The following EYS variants were observed in gnomAD, a reference collection of about 807,000 sequenced individuals.
EYS encodes the protein EGF-like photoreceptor maintenance factor.
A neutral mutation model predicts 282.1 loss-of-function variants in EYS; 250 were observed. The ratio of observed to expected loss-of-function variants is 0.89; its 90% CI spans 0.80 to 0.98. EYS has a LOEUF of 0.98. EYS is among the 50% of genes least tolerant of loss of function. The pLI, the probability that EYS is intolerant of heterozygous loss-of-function variation, is 0.00. For synonymous variants in EYS, 1,355 were observed against 1,282.9 expected (o/e 1.06, Z -1.20); for missense variants, 4,016 against 3,709.0 (o/e 1.08, Z -2.15).
chr6:65,385,617 G>A (rs1582222173), intron 7 of EYS, among the ~76,000 whole-genome samples: 1 of 151,734 alleles, frequency 6.6e-6, no homozygotes, highest in East Asian at 1.9e-4. Context: ...TTATAAATGA[G>A]GAAACATACC....
At chr6:64,681,905 C>T (rs1769912157) in intron 22 of EYS, among the ~76,000 whole-genome samples, 1 of 152,132 alleles carries the variant, frequency 6.6e-6, no homozygotes, top group African/African-American at 2.4e-5. Flanking sequence ...CTTGGGAATA[C>T]ATGTTTTTGC....
chr6:64,954,947 T>C (rs1769643799), intron 14 of EYS, among the ~76,000 whole-genome samples: 1 of 152,178 alleles, frequency 6.6e-6, no homozygotes, highest in Non-Finnish European at 1.5e-5. Flanking sequence ...GGCAGGTAGA[T>C]CACCTGAGAT....
In EYS at chr6:64,756,885, C is replaced by CTT. The variant is rs5876921; in HGVS notation, c.3443+56491_3443+56492dup. Among the ~76,000 whole-genome samples, 1,179 of 137,762 alleles carry CTT rather than the reference C, an allele frequency of 8.6e-3. 18 individuals carry two copies. Among genetic ancestry groups the CTT allele is most frequent in the East Asian group, 0.05 (245 of 4,882 alleles). The allele number at this position is 137,762 out of a possible 152,430, so 90.4% of individuals were successfully genotyped here. A position where few individuals can be genotyped will look rare whatever the true frequency, so the allele number is the denominator to read the frequency against. ...AATTTAAAAATACAAAGCATCAGTG[C>CTT]TTTTTTTTTTTTTTTAACAGATGTG... On this transcript the variant is annotated intron_variant, in intron 22 of 42. Coordinates refer to ENST00000503581, the MANE Select transcript of EYS (RefSeq NM_001142800.2).
At chr6:64,480,693 A>G (rs1428629151) in intron 26 of EYS, among the ~76,000 whole-genome samples, 1 of 151,852 alleles carries the variant, frequency 6.6e-6, no homozygotes, top group Non-Finnish European at 1.5e-5. Context: ...ATAAATCTCA[A>G]ATTTACCAGG....
At chr6:65,125,607 AC>A (rs1775696335) in intron 12 of EYS, among the ~76,000 whole-genome samples, 1 of 152,104 alleles carries the variant, frequency 6.6e-6, no homozygotes, top group Admixed American at 6.6e-5. Flanking sequence ...AAAGAATCCG[AC>A]CAAAATTTTT....
chr6:63,944,242 A>G lies in EYS; in HGVS notation c.7055+40141T>C, dbSNP rs573786688. On this transcript the variant is annotated intron_variant, in intron 35 of 42. Transcript: ENST00000503581. Reference sequence around the variant, plus strand: ...GGGAAACAATTTACAGCAAAATATAAGGCAGTGCATCTAGCTCTTAGCCAC... The same window carrying G: ...GGGAAACAATTTACAGCAAAATATAGGGCAGTGCATCTAGCTCTTAGCCAC... Among the ~76,000 whole-genome samples, 19 of 152,314 alleles carry G rather than the reference A, an allele frequency of 1.2e-4. No individual in the cohort carries two copies. The South Asian group carries it at 2.9e-3, about 23-fold the overall frequency.
At chr6:64,659,288 G>C (rs1167083937) in intron 22 of EYS, among the ~76,000 whole-genome samples, 1 of 152,154 alleles carries the variant, frequency 6.6e-6, no homozygotes, top group Admixed American at 6.5e-5. Flanking sequence ...AAGCAGGAAA[G>C]ATTTAAAATT....
At chr6:65,213,675 T>C (rs1170048307) in intron 12 of EYS, among the ~76,000 whole-genome samples, 1 of 152,184 alleles carries the variant, frequency 6.6e-6, no homozygotes, top group African/African-American at 2.4e-5. Context: ...GTGTATGTCA[T>C]TACTGTTCCA....
At chr6:64,269,719 A>G (rs1248737542) in intron 30 of EYS, among the ~76,000 whole-genome samples, 1 of 152,008 alleles carries the variant, frequency 6.6e-6, no homozygotes, top group Non-Finnish European at 1.5e-5. Context: ...ATTTCTTGCT[A>G]TTTGAAATTC....
chr6:65,154,993 A>C (rs936515716), intron 12 of EYS, among the ~76,000 whole-genome samples: 11 of 151,636 alleles, frequency 7.3e-5, no homozygotes, highest in Admixed American at 6.6e-4. Context: ...GGGTTTAGAA[A>C]GGAAAATAAG....
intron 31 of EYS, among the ~76,000 whole-genome samples, chr6:64,195,243 T>A (rs906866295): frequency 6.6e-5 from 10 of 152,244 alleles, no homozygotes; most frequent in African/African-American, 2.4e-4. Flanking sequence ...TTTTTGAGAT[T>A]ATTTTTTAAT....
intron 13 of EYS, among the ~76,000 whole-genome samples, chr6:65,015,214 A>C (rs1026994240): frequency 3.3e-5 from 5 of 152,246 alleles, no homozygotes; most frequent in African/African-American, 1.2e-4. Flanking sequence ...ACTAATAAAG[A>C]GAGCAAAAAC....
chr6:64,443,207 T>A (rs1775006454), intron 26 of EYS, among the ~76,000 whole-genome samples: 1 of 152,210 alleles, frequency 6.6e-6, no homozygotes, highest in Admixed American at 6.5e-5. Context: ...AAAATTTGAC[T>A]GCCCTGCTGG....
chr6:65,141,713 TA>T (rs1488903984), intron 12 of EYS, among the ~76,000 whole-genome samples: 1 of 151,848 alleles, frequency 6.6e-6, no homozygotes, highest in East Asian at 1.9e-4. Flanking sequence ...ACAAACATGT[TA>T]ACTATATGAG....
chr6:65,634,020 A>G (rs912107646), intron 2 of EYS, among the ~76,000 whole-genome samples: 4 of 152,244 alleles, frequency 2.6e-5, no homozygotes, highest in African/African-American at 9.6e-5. Context: ...TTCAGAAACT[A>G]CAGAAATCTC....
At chr6:65,101,546 G>T (rs1482523357) in intron 12 of EYS, among the ~76,000 whole-genome samples, 1 of 151,156 alleles carries the variant, frequency 6.6e-6, no homozygotes, top group Non-Finnish European at 1.5e-5. Context: ...CAAATCTAAA[G>T]CAGTAAACTA....
At chr6:63,830,031 G>C (rs1045752162) in intron 36 of EYS, among the ~76,000 whole-genome samples, 1 of 152,156 alleles carries the variant, frequency 6.6e-6, no homozygotes, top group Non-Finnish European at 1.5e-5. Context: ...CTAACAAACA[G>C]AAAGGACATC....
chr6:64,075,396 T>C (rs1448769598), intron 32 of EYS, among the ~76,000 whole-genome samples: 2 of 151,992 alleles, frequency 1.3e-5, no homozygotes, highest in Non-Finnish European at 2.9e-5. Context: ...GGAGATTGGC[T>C]TCAGGCCAAT....
At position 65,076,096 on chromosome 6, in the gene EYS, C is replaced by A. The variant is rs1774042662; in HGVS notation, c.2024-18369G>T. On this transcript the variant is annotated intron_variant, in intron 12 of 42. Transcript: ENST00000503581. ...TTTGTAAAACCACATTTTATTTTTG[C>A]TGGACAGTTTTAAAGGTAAAGATGA... is the stretch of plus-strand genomic sequence containing the variant. Among the ~76,000 whole-genome samples the A allele has an allele frequency of 2.6e-5, 4 of 151,822 alleles. No homozygotes were observed. In the South Asian group the frequency reaches 6.2e-4, roughly 24 times the overall value.
Sources: gnomAD v4.1 joint callset for allele counts (sites outside exome capture counted in the v4.1 genomes callset) on GRCh38, gnomAD v4.1.1 for gene constraint, MANE v1.5 for transcripts, NCBI Gene and HGNC (gene_info 2026-07-23, HGNC 2026-07-21) for gene names.